Variants in PLCB2 observed in about 807,000 individuals in gnomAD.
PLCB2 encodes phospholipase C beta 2, also known as 1-phosphatidylinositol 4,5-bisphosphate phosphodiesterase beta-2.
A neutral mutation model predicts 141.7 loss-of-function variants in PLCB2; 115 were observed. The ratio of observed to expected loss-of-function variants is 0.81; its 90% CI spans 0.70 to 0.95. The LOEUF is 0.95. PLCB2 is among the 40% of genes least tolerant of loss of function. PLCB2 has a pLI of 0.00. For synonymous variants in PLCB2, 603 were observed against 595.6 expected, an observed-to-expected ratio of 1.01 and a Z score of -0.18; for missense variants, 1,403 against 1,541.1, an observed-to-expected ratio of 0.91 and a Z score of 1.50.
Position 40,302,291 on chromosome 15 carries a change from C to T in PLCB2, c.431G>A (p.Arg144His), listed in dbSNP as rs755783952. 6.8e-6 allele frequency: 11 copies of T among 1,614,024 alleles called. No homozygotes were observed. Among genetic ancestry groups the T allele is most frequent in the East Asian group, 4.5e-5 (2 of 44,884 alleles). Reference sequence around the variant, plus strand: ...TTACATCTTGTCCAGGAAGGTGCTGCGGGAGGCGTTGGCCGTCAGCGGATG... The same window carrying T: ...TTACATCTTGTCCAGGAAGGTGCTGTGGGAGGCGTTGGCCGTCAGCGGATG... ...VKHPLTANASRSTFLDKILVK... is the reference protein window; with the variant it reads ...VKHPLTANASHSTFLDKILVK... The change falls in exon 5 of 32, where the codon CGC becomes CAC. Residue 144 changes from arginine to histidine, a missense_variant. This residue lies in a region of PLCB2 where 975 missense variants were observed against 1,141.1 expected (regional missense o/e 0.85). Coordinates refer to ENST00000260402, the MANE Select transcript of PLCB2 (RefSeq NM_004573.3).
At chr15:40,300,806 G>A (rs1333522519) in intron 7 of PLCB2, 1 of 152,098 alleles carries the variant, frequency 6.6e-6, no homozygotes, top group Non-Finnish European at 1.5e-5. Context: ...ATGTCTTTCA[G>A]AATCACACTG....
At chr15:40,305,676 G>A (rs1595688708) in intron 1 of PLCB2, among the ~76,000 whole-genome samples, 1 of 152,212 alleles carries the variant, frequency 6.6e-6, no homozygotes, top group Admixed American at 6.5e-5. Context: ...GTTCCCATTC[G>A]AAGGGGTGGG....
intron 7 of PLCB2, 31 bp downstream of exon 7, chr15:40,301,926 G>A (rs775163170): frequency 1.9e-6 from 3 of 1,598,476 alleles, no homozygotes; most frequent in South Asian, 1.1e-5. Context: ...CAAGAATGCT[G>A]GGGGATGGGC....
In PLCB2 at chr15:40,288,814, C is replaced by G. The variant is rs776241846; in HGVS notation, c.3459G>C (p.Glu1153Asp). 3 of 1,613,986 alleles carry G rather than the reference C, an allele frequency of 1.9e-6. No individual in the cohort carries two copies. Among genetic ancestry groups the G allele is most frequent in the East Asian group, 2.2e-5 (1 of 44,886 alleles). The change falls in exon 32 of 32, where the codon GAG (glutamate) becomes GAC (aspartate). Residue 1153 changes from glutamate to aspartate, a missense_variant. Transcript: ENST00000260402. ...AGGCCCTCTCAGGCTTGTCCTTGGC[C>G]TCGGAGGGAAAGCAGGTCCTGAGGC... ...RACLRTCFPS[E>D]AKDKPERACE...
In PLCB2 at chr15:40,303,338, T is replaced by G; in HGVS notation, c.181A>C (p.Ile61Leu). The G allele has an allele frequency of 6.2e-7, 1 of 1,613,560 alleles. No homozygotes were observed. The highest frequency in any genetic ancestry group is 8.5e-7 in the Non-Finnish European group (1 of 1,179,702). The change falls in exon 3 of 32, where the codon ATC becomes CTC. Residue 61 changes from isoleucine (I) to leucine (L), a missense_variant. Physicochemically the swap from Ile to Leu is conservative, Grantham distance 5. Transcript: ENST00000260402. Reference sequence around the variant, plus strand: ...AAGCGAGTATCCCGGATGCTGGTGATATCCAGAAACTCCATCTCCTGGGGG... The same window carrying G: ...AAGCGAGTATCCCGGATGCTGGTGAGATCCAGAAACTCCATCTCCTGGGGG... ...YQSKEMEFLD[I>L]TSIRDTRFGK...
Position 40,290,742 on chromosome 15 carries a change from G to T in PLCB2, c.3113+19C>A, listed in dbSNP as rs998602140. 6.2e-7 allele frequency: 1 copy of T among 1,612,680 alleles called. No individual in the cohort carries two copies. Among genetic ancestry groups the T allele is most frequent in the African/African-American group, 1.3e-5 (1 of 74,866 alleles). On this transcript the variant is annotated intron_variant, in intron 28 of 31. Coordinates refer to ENST00000260402, the MANE Select transcript of PLCB2 (RefSeq NM_004573.3). ...CCTTGCTGGGAGGCGAAGCAGGTGTGGGAGGGAGGCAGTCGTACTTCTCCG... is the reference window on the plus strand; with the variant it reads ...CCTTGCTGGGAGGCGAAGCAGGTGTTGGAGGGAGGCAGTCGTACTTCTCCG...
Position 40,291,652 on chromosome 15 carries a change from T to A in PLCB2, c.2603-2A>T. The stretch of plus-strand genomic sequence containing the variant: ...CTTCCCTGGCCCCGGCCCTGGCTGC[T>A]GCAAGAGCCACGGGCTGGGCTGTCA... On this transcript the variant is annotated splice_acceptor_variant, in intron 24 of 31. Transcript: ENST00000260402. LOFTEE classifies it high-confidence loss of function. The A allele has an allele frequency of 6.2e-7, 1 of 1,612,990 alleles. No individual in the cohort carries two copies. Among genetic ancestry groups the A allele is most frequent in the East Asian group, 2.2e-5 (1 of 44,858 alleles).
chr15:40,284,361 C>A, downstream of PLCB2: 1 of 351,896 alleles, frequency 2.8e-6, no homozygotes, highest in South Asian at 2.1e-5. Flanking sequence ...AGACGTTCCA[C>A]CTCTTAAGAA....
At chr15:40,286,109 G>A (rs566986013), downstream of PLCB2, 2 of 910,434 alleles carry the variant, frequency 2.2e-6, no homozygotes, top group South Asian at 1.0e-4. Flanking sequence ...CTGAAAAAAA[G>A]CTGAGACTTT....
chr15:40,301,556 C>T, intron 7 of PLCB2: 1 of 703,000 alleles, frequency 1.4e-6, no homozygotes, highest in South Asian at 1.5e-5. Context: ...TGCAGACTTC[C>T]AGATCCCTGC....
At chr15:40,301,322 C>T (rs560296383) in intron 7 of PLCB2, 14 of 547,620 alleles carry the variant, frequency 2.6e-5, no homozygotes, top group African/African-American at 1.1e-4. Flanking sequence ...GGCTGAGATT[C>T]GCTCCATTGG....
Position 40,297,841 on chromosome 15 carries a change from G to A in PLCB2, c.1238+36C>T. The A allele has an allele frequency of 6.6e-7, 1 of 1,520,260 alleles. No homozygotes were observed. The highest frequency in any genetic ancestry group is 9.1e-7 in the Non-Finnish European group (1 of 1,095,552). The allele number at this position is 1,520,260 out of a possible 1,614,324, so 94.2% of individuals were successfully genotyped here. On this transcript the variant is annotated intron_variant, in intron 12 of 31. Coordinates refer to ENST00000260402, the MANE Select transcript of PLCB2 (RefSeq NM_004573.3). The surrounding 1 kb of genome is among the most constrained non-coding windows in gnomAD (Gnocchi z 4.2). ...AGTTGCAGACAGGAGACTGGGGGCT[G>A]GGTGAGAATGTGGCTGAATGGGCCT...
Position 40,288,473 on chromosome 15 carries a change from G to A in PLCB2, c.*242C>T. ...AATATATGACACTTATCTAGAGATG[G>A]AGGGGGAGGTAGGAAGTCAGCTTGA... is the stretch of plus-strand genomic sequence containing the variant. On this transcript the variant is annotated 3_prime_UTR_variant, in exon 32 of 32. Coordinates refer to ENST00000260402, the MANE Select transcript of PLCB2 (RefSeq NM_004573.3). 7.9e-7 allele frequency: 1 copy of A among 1,263,962 alleles called. No individual in the cohort carries two copies. The highest frequency in any genetic ancestry group is 3.3e-5 in the South Asian group (1 of 30,110). The allele number at this position is 1,263,962 out of a possible 1,614,324, so 78.3% of individuals were successfully genotyped here.
In PLCB2 at chr15:40,289,454, T is replaced by A; in HGVS notation, c.3268-96A>T. Reference sequence around the variant, plus strand: ...TCCCAGCTAACTAGTTGTAAGACTTTGGGCAAATTCCTTAACATTAGGTAG... The same window carrying A: ...TCCCAGCTAACTAGTTGTAAGACTTAGGGCAAATTCCTTAACATTAGGTAG... On this transcript the variant is annotated intron_variant, in intron 30 of 31. Coordinates refer to ENST00000260402, the MANE Select transcript of PLCB2 (RefSeq NM_004573.3). 4 of 902,692 alleles carry A rather than the reference T, an allele frequency of 4.4e-6. No individual in the cohort carries two copies. The Admixed American group carries it at 5.6e-5, about 13-fold the overall frequency. The allele number at this position is 902,692 out of a possible 1,614,324, so 55.9% of individuals were successfully genotyped here.
chr15:40,289,927 A>AAG lies in PLCB2; in HGVS notation c.3267+96_3267+97dup, dbSNP rs58167971. 46 of 544,386 alleles carry AAG rather than the reference A, an allele frequency of 8.4e-5. No individual in the cohort carries two copies. The African/African-American group carries it at 9.6e-4, about 11-fold the overall frequency. The allele number at this position is 544,386 out of a possible 1,614,324, so 33.7% of individuals were successfully genotyped here. A position where few individuals can be genotyped will look rare whatever the true frequency, so the allele number is the denominator to read the frequency against. On this transcript the variant is annotated intron_variant, in intron 30 of 31. Transcript: ENST00000260402. ...CTGGGGCCACCCCTTCCTACTTGTG[A>AAG]AGAGAGAGAGAGAGAGAGAGAGAGA...
intron 3 of PLCB2, 48 bp downstream of exon 3, chr15:40,303,240 G>T (rs762307498): frequency 7.3e-7 from 1 of 1,371,434 alleles, no homozygotes; most frequent in Non-Finnish European, 1.0e-6. Flanking sequence ...CTTGCCCCAT[G>T]GAGCTAGTAG....
At chr15:40,284,402 G>T (rs2039579916), downstream of PLCB2, 2 of 403,008 alleles carry the variant, frequency 5.0e-6, no homozygotes, top group South Asian at 3.4e-5. Context: ...AATGGACGTT[G>T]TCACCTGAGG....
At chr15:40,286,039 G>A, downstream of PLCB2, 1 of 985,494 alleles carries the variant, frequency 1.0e-6, no homozygotes, top group South Asian at 4.7e-5. Context: ...GAGCCCTGGA[G>A]CCTTTGCTCT....
At chr15:40,294,708 C>T (rs1190145057) in intron 18 of PLCB2, among the ~76,000 whole-genome samples, 2 of 152,170 alleles carry the variant, frequency 1.3e-5, no homozygotes, top group Admixed American at 6.5e-5. Flanking sequence ...GTGGAGCGGC[C>T]AGAACCCACG....
Sources: allele counts gnomAD v4.1 joint callset (sites outside exome capture counted in the v4.1 genomes callset), GRCh38; gene constraint gnomAD v4.1.1; regional missense constraint gnomAD v4.1.1; non-coding constraint Gnocchi (gnomAD v3.1); transcripts MANE v1.5; gene names NCBI Gene and HGNC (gene_info 2026-07-23, HGNC 2026-07-21).